UBA1: variants seen among roughly 807,000 people sequenced by gnomAD.
UBA1 encodes ubiquitin-like modifier-activating enzyme 1.
UBA1 carries 4 observed loss-of-function variants against 84.7 expected under a neutral mutation model. That is an observed-to-expected ratio of 0.05 (90% CI 0.02 to 0.11). The LOEUF is 0.11. UBA1 is among the 10% of genes least tolerant of loss of function. The probability of loss-of-function intolerance (pLI) is 1.00; values close to 1 mark genes in which losing one functional copy is unlikely to be tolerated. For missense variants in UBA1, 513 were observed against 902.8 expected, an observed-to-expected ratio of 0.57 and a Z score of 5.53; for synonymous variants, 364 against 362.6, an observed-to-expected ratio of 1.00 and a Z score of -0.04.
At chrX:47,197,535 T>C (rs1217608329) in intron 1 of UBA1, 1 of 754,632 alleles carries the variant, frequency 1.3e-6, no homozygotes, top group Non-Finnish European at 1.6e-6. Flanking sequence ...AGAGGAGCAC[T>C]TGGGGTGAGG....
rs782038176 is a variant in UBA1 at position 47,203,533 on chromosome X, C to T, written c.1420-8C>T. On this transcript the variant is annotated splice_polypyrimidine_tract_variant and splice_region_variant and intron_variant, in intron 13 of 25. Transcript: ENST00000335972. ...CAGCCTCTGCCTGTCTTCTTGGTTG[C>T]TTCTTAGGTGGGTGCGGGGGCCATT... 4.1e-5 allele frequency: 50 copies of T among 1,209,349 alleles called. No homozygotes were observed. Among genetic ancestry groups the T allele is most frequent in the Non-Finnish European group, 4.9e-5 (44 of 895,081 alleles).
rs1556794559 is a variant in UBA1 at position 47,214,405 on chromosome X, A to G, written c.2917A>G (p.Lys973Glu). 8.3e-7 allele frequency: 1 copy of G among 1,210,973 alleles called. No homozygotes were observed. Among genetic ancestry groups the G allele is most frequent in the Admixed American group, 2.2e-5 (1 of 46,000 alleles). Residue 973 changes from lysine (K) to glutamate (E), a missense_variant, in exon 24 of 26, where the codon AAA becomes GAA. Transcript: ENST00000335972. ...LQPNGEEMTLKQFLDYFKTEH... is the reference protein window; with the variant it reads ...LQPNGEEMTLEQFLDYFKTEH... ...GCCTAATGGTGAGGAGATGACCCTC[A>G]AACAGTTCCTCGACTATTTTAAGGT...
rs1016686223 is a variant in UBA1 at position 47,214,842 on chromosome X, C to T, written c.3090C>T (p.His1030=). 8.3e-6 allele frequency: 10 copies of T among 1,210,425 alleles called. No individual in the cohort carries two copies. Among genetic ancestry groups the T allele is most frequent in the African/African-American group, 5.2e-5 (3 of 57,365 alleles). Residue 1030 remains histidine (H), a synonymous_variant, in exon 26 of 26, where the codon CAC becomes CAT. Transcript: ENST00000335972. The part of the protein sequence containing the change: ...SRVSKRKLGR[H]VRALVLELCC... ...TGTCGAAGCGAAAGCTGGGCCGCCA[C>T]GTGCGGGCGCTGGTGCTTGAGCTGT...
At chrX:47,200,628 C>T (rs1296378158) in intron 5 of UBA1, among the ~76,000 whole-genome samples, 1 of 112,201 alleles carries the variant, frequency 8.9e-6, no homozygotes, top group African/African-American at 3.2e-5. Flanking sequence ...AGACAGACAG[C>T]AGCGGGTGTT....
In UBA1 at chrX:47,202,622, C is replaced by T; in HGVS notation, c.1057-16C>T. On this transcript the variant is annotated splice_polypyrimidine_tract_variant and intron_variant, in intron 10 of 25. Transcript: ENST00000335972. Reference sequence around the variant, plus strand: ...TGGCCTGACATATCCTCTCTTGGTTCTTTCTGGCCCACCAGGAGGATGCAG... The same window carrying T: ...TGGCCTGACATATCCTCTCTTGGTTTTTTCTGGCCCACCAGGAGGATGCAG... The T allele has an allele frequency of 8.3e-7, 1 of 1,212,052 alleles. No individual in the cohort carries two copies. Among genetic ancestry groups the T allele is most frequent in the Non-Finnish European group, 1.1e-6 (1 of 895,452 alleles).
At chrX:47,201,093 T>C in intron 6 of UBA1, 93 bp downstream of exon 6, 2 of 896,817 alleles carry the variant, frequency 2.2e-6, no homozygotes, top group Non-Finnish European at 3.2e-6. Context: ...CCCTCATCCC[T>C]TCTCAGCTAC....
At chrX:47,195,240 T>C (rs782045632) in intron 1 of UBA1, among the ~76,000 whole-genome samples, 7 of 110,176 alleles carry the variant, frequency 6.4e-5, no homozygotes, top group Non-Finnish European at 1.1e-4. Flanking sequence ...GGCCTTCTTG[T>C]TTTCTTTTTC....
chrX:47,200,947 C>T lies in UBA1; in HGVS notation c.534C>T (p.Phe178=). Residue 178 remains phenylalanine, a synonymous_variant, in exon 6 of 26, where the codon TTC becomes TTT. Coordinates refer to ENST00000335972, the MANE Select transcript of UBA1 (RefSeq NM_003334.4). ...AGGACCAGCTGCGAGTGGGTGAGTT[C>T]TGTCACAACCGTGGCATCAAGCTGG... The part of the protein sequence containing the change: ...PLEDQLRVGE[F]CHNRGIKLVV... The T allele has an allele frequency of 1.7e-6, 2 of 1,205,348 alleles. No individual in the cohort carries two copies. The highest frequency in any genetic ancestry group is 2.2e-6 in the Non-Finnish European group (2 of 892,362).
At chrX:47,213,440 G>A (rs1937016253) in intron 23 of UBA1, among the ~76,000 whole-genome samples, 1 of 112,506 alleles carries the variant, frequency 8.9e-6, no homozygotes, top group Admixed American at 9.4e-5. Context: ...CTACACTTAA[G>A]TGCTTTGCTT....
Position 47,215,058 on chromosome X carries a change from C to T in UBA1, c.*129C>T. The T allele has an allele frequency of 1.1e-6, 1 of 951,324 alleles. No homozygotes were observed. The highest frequency in any genetic ancestry group is 1.5e-6 in the Non-Finnish European group (1 of 674,389). The allele number at this position is 951,324 out of a possible 1,213,427, so 78.4% of individuals were successfully genotyped here. A position where few individuals can be genotyped will look rare whatever the true frequency, so the allele number is the denominator to read the frequency against. On this transcript the variant is annotated 3_prime_UTR_variant, in exon 26 of 26. Transcript: ENST00000335972. ...TGGTGTTCCCTCATCATCCCCCTAC[C>T]TGAACCCCTCTTGCCACTGCCTTCT... is the stretch of plus-strand genomic sequence containing the variant.
At position 47,199,197 on chromosome X, in the gene UBA1, C is replaced by T. The variant is rs959469863; in HGVS notation, c.177-12C>T. The T allele has an allele frequency of 8.2e-7, 1 of 1,212,210 alleles. No homozygotes were observed. On this transcript the variant is annotated splice_polypyrimidine_tract_variant and intron_variant, in intron 3 of 25. Transcript: ENST00000335972. ...GGCAGGCCCTGACCTAGAGTACCCC[C>T]TAACCTGGCAGGTATGTGTTGGGCC...
At chrX:47,202,019 C>T (rs1936434137) in intron 8 of UBA1, 137 bp from the exon 9 acceptor site, 1 of 560,380 alleles carries the variant, frequency 1.8e-6, no homozygotes, top group Non-Finnish European at 3.1e-6. Flanking sequence ...TTTCTGATGT[C>T]CAAGTGGAGC....
chrX:47,202,707 A>G lies in UBA1; in HGVS notation c.1126A>G (p.Asn376Asp). Residue 376 changes from asparagine to aspartate, a missense_variant, in exon 11 of 26, where the codon AAT (asparagine) becomes GAT (aspartate). Coordinates refer to ENST00000335972, the MANE Select transcript of UBA1 (RefSeq NM_003334.4). ...TCGAGCCCTGCCAGCAGTGCAGCAA[A>G]ATAACCTGGACGAGGACCTCATCCG... ...NARALPAVQQ[N>D]NLDEDLIRKL... 1 of 1,211,922 alleles carries G rather than the reference A, an allele frequency of 8.3e-7. No individual in the cohort carries two copies. The highest frequency in any genetic ancestry group is 1.1e-6 in the Non-Finnish European group (1 of 895,437).
chrX:47,214,728 C>G, intron 25 of UBA1, 66 bp from the exon 26 acceptor site: 1 of 1,201,687 alleles, frequency 8.3e-7, no homozygotes, highest in Non-Finnish European at 1.1e-6. Flanking sequence ...ACTGCCCCTA[C>G]CTACCTGCCC....
chrX:47,204,139 GTTTTTTTTTTT>G (rs55829376), intron 14 of UBA1, among the ~76,000 whole-genome samples: 5 of 16,881 alleles, frequency 3.0e-4, no homozygotes, highest in East Asian at 2.1e-3. Context: ...CTCAGCTTCT[GTTTTTTTTTTT>G]TTTTTTTTTT....
chrX:47,209,565 C>G (rs782401215), intron 16 of UBA1, 58 bp from the exon 17 acceptor site: 1 of 1,089,230 alleles, frequency 9.2e-7, no homozygotes, highest in East Asian at 3.0e-5. Context: ...CTAATAATGC[C>G]TGCGGAAACC....
chrX:47,214,142 TAGG>T (rs1937044491), intron 23 of UBA1, among the ~76,000 whole-genome samples, 182 bp from the exon 24 acceptor site: 1 of 108,163 alleles, frequency 9.2e-6, no homozygotes, highest in African/African-American at 3.4e-5. Context: ...TTGAGGAGGG[TAGG>T]AGATGAGAAG....
Position 47,199,007 on chromosome X carries a change from C to A in UBA1, c.118-41C>A, listed in dbSNP as rs782283923. On this transcript the variant is annotated intron_variant, in intron 2 of 25. Coordinates refer to ENST00000335972, the MANE Select transcript of UBA1 (RefSeq NM_003334.4). ...CTGTCTGTCTATCCATGCTCCACTC[C>A]TGTGTGTCTCCCTAAACTTGTTCTT... 9.9e-6 allele frequency: 12 copies of A among 1,207,448 alleles called. No individual in the cohort carries two copies. In the South Asian group the frequency reaches 2.1e-4, roughly 21 times the overall value.
At chrX:47,198,961 G>T (rs782433396) in intron 2 of UBA1, 42 bp downstream of exon 2, 1 of 1,205,654 alleles carries the variant, frequency 8.3e-7, no homozygotes, top group Middle Eastern at 2.3e-4. Context: ...GAGGTGGTGG[G>T]TGGGAAAGTC....
Sources: gnomAD v4.1 joint callset for allele counts (sites outside exome capture counted in the v4.1 genomes callset) on GRCh38, gnomAD v4.1.1 for gene constraint, MANE v1.5 for transcripts, NCBI Gene and HGNC (gene_info 2026-07-23, HGNC 2026-07-21) for gene names.